The following FAM217A variants were observed in gnomAD, a reference collection of about 807,000 sequenced individuals.
The protein encoded by FAM217A is family with sequence similarity 217 member A.
A neutral mutation model predicts 18.5 loss-of-function variants in FAM217A; 13 were observed. That is an observed-to-expected ratio of 0.70 (90% CI 0.46 to 1.12). FAM217A has a LOEUF of 1.12. Ranked by LOEUF, FAM217A falls within the 50% of genes most tolerant of loss-of-function variation. The pLI, the probability that FAM217A is intolerant of heterozygous loss-of-function variation, is 0.00. For synonymous variants in FAM217A, 161 were observed against 202.8 expected (o/e 0.79, Z 1.75); for missense variants, 560 against 575.4 (o/e 0.97, Z 0.27).
Position 4,069,092 on chromosome 6 carries a change from A to C in FAM217A, c.1131T>G (p.Tyr377Ter). ...GAGACAGTGGTCTAGAATTCCATCT[A>C]TATTTGCCAGCATTGCTCCAATTCC... ...LKRNWSNAGK[Y>*]RWNSRPLSLK... Residue 377 changes from tyrosine (Y) to a stop codon, truncating the protein, a stop_gained, in exon 7 of 7, where the codon TAT becomes TAG. Coordinates refer to ENST00000274673, the MANE Select transcript of FAM217A (RefSeq NM_173563.3). LOFTEE classifies it low-confidence loss of function (END_TRUNC). The C allele has an allele frequency of 1.2e-6, 2 of 1,614,172 alleles. No individual in the cohort carries two copies. Among genetic ancestry groups the C allele is most frequent in the Non-Finnish European group, 8.5e-7 (1 of 1,180,028 alleles).
intron 6 of FAM217A, 44 bp downstream of exon 6, chr6:4,073,231 T>C (rs1238103264): frequency 1.4e-6 from 2 of 1,408,572 alleles, no homozygotes; most frequent in South Asian, 2.5e-5. Flanking sequence ...GTATCTAAAT[T>C]TATTTCAGTA....
At chr6:4,085,148 T>C (rs1396303623) in intron 1 of FAM217A, among the ~76,000 whole-genome samples, 1 of 152,164 alleles carries the variant, frequency 6.6e-6, no homozygotes, top group Admixed American at 6.6e-5. Context: ...GGCTGAGACC[T>C]GGTTGGCTCA....
Position 4,077,385 on chromosome 6 carries a change from G to GT in FAM217A, c.29dup (p.Asn10LysfsTer26). 1 of 1,614,198 alleles carries GT rather than the reference G, an allele frequency of 6.2e-7. No homozygotes were observed. The highest frequency in any genetic ancestry group is 1.6e-4 in the Middle Eastern group (1 of 6,062). ...GAGAGATGTTTGACACACGTAGGCT[G>GT]TTAGCACAGTTCTCATTTCTTCTCC... On this transcript the variant is annotated frameshift_variant, in exon 2 of 7. Transcript: ENST00000274673. LOFTEE classifies it high-confidence loss of function.
At chr6:4,084,132 T>C (rs904285463), upstream of FAM217A, among the ~76,000 whole-genome samples, 2 of 152,352 alleles carry the variant, frequency 1.3e-5, no homozygotes, top group Admixed American at 1.3e-4. Context: ...TATACTTTCT[T>C]GTGTTTGTAT....
At chr6:4,084,948 C>T (rs1328030286) in intron 1 of FAM217A, 11 of 605,730 alleles carry the variant, frequency 1.8e-5, no homozygotes, top group Non-Finnish European at 2.6e-5. Context: ...CTGGCACCTA[C>T]GTGGGCTGCT....
intron 6 of FAM217A, among the ~76,000 whole-genome samples, chr6:4,072,624 T>C (rs912626410): frequency 3.9e-5 from 6 of 151,980 alleles, no homozygotes; most frequent in Non-Finnish European, 7.4e-5. Context: ...TAGCTGGGCG[T>C]GGTGGCCCAT....
intron 2 of FAM217A, 86 bp from the exon 3 acceptor site, chr6:4,074,747 T>A: frequency 1.0e-6 from 1 of 987,154 alleles, no homozygotes; most frequent in Non-Finnish European, 1.6e-6. Context: ...GGGTAAAGTA[T>A]GACGAAAGGC....
At chr6:4,075,121 G>T (rs1051475423) in intron 2 of FAM217A, among the ~76,000 whole-genome samples, 1 of 152,086 alleles carries the variant, frequency 6.6e-6, no homozygotes, top group African/African-American at 2.4e-5. Context: ...ATCACCTGAG[G>T]TCTGGAGTTT....
upstream of FAM217A, chr6:4,079,584 G>A (rs1277711924): frequency 3.1e-6 from 4 of 1,287,032 alleles, no homozygotes; most frequent in Admixed American, 4.6e-5. Flanking sequence ...AGCTCTCCGC[G>A]ACATGGCCAG....
upstream of FAM217A, chr6:4,079,618 G>A (rs566018517): frequency 6.5e-5 from 83 of 1,282,330 alleles, 1 homozygote; most frequent in East Asian, 4.4e-3. Flanking sequence ...CCCGGGGCCC[G>A]GCCCACCCGC....
At position 4,077,388 on chromosome 6, in the gene FAM217A, A is replaced by G. The variant is rs1220608216; in HGVS notation, c.27T>C (p.Ala9=). 2 of 1,614,090 alleles carry G rather than the reference A, an allele frequency of 1.2e-6. No homozygotes were observed. Among genetic ancestry groups the G allele is most frequent in the African/African-American group, 2.7e-5 (2 of 74,950 alleles). ...AGATGTTTGACACACGTAGGCTGTT[A>G]GCACAGTTCTCATTTCTTCTCCCCA... MGRRNENC[A]NSLRVSNISQ... is the part of the protein sequence containing the mutation. The change falls in exon 2 of 7, where the codon GCT becomes GCC. Residue 9 remains alanine (A), a synonymous_variant. Coordinates refer to ENST00000274673, the MANE Select transcript of FAM217A (RefSeq NM_173563.3).
At chr6:4,074,319 G>A (rs1220986373) in intron 4 of FAM217A, 124 bp downstream of exon 4, 1 of 704,356 alleles carries the variant, frequency 1.4e-6, no homozygotes, top group African/African-American at 1.8e-5. Context: ...TTTGACTTGT[G>A]TGAAGAACTC....
At chr6:4,080,229 T>C (rs1204974464), upstream of FAM217A, among the ~76,000 whole-genome samples, 1 of 152,178 alleles carries the variant, frequency 6.6e-6, no homozygotes, top group Non-Finnish European at 1.5e-5. Flanking sequence ...TGCATTTCCA[T>C]TTTCTCCTCA....
chr6:4,078,412 T>G (rs1166846559), intron 1 of FAM217A, among the ~76,000 whole-genome samples: 1 of 152,190 alleles, frequency 6.6e-6, no homozygotes. Context: ...TTACAATTGA[T>G]TGTCTCCTAC....
At chr6:4,079,205 A>C, upstream of FAM217A, 1 of 284,172 alleles carries the variant, frequency 3.5e-6, no homozygotes, top group Non-Finnish European at 6.5e-6. Flanking sequence ...CACAAGGTCC[A>C]CGCGTATTCG....
At position 4,074,595 on chromosome 6, in the gene FAM217A, T is replaced by C. The variant is rs1335240696; in HGVS notation, c.127A>G (p.Arg43Gly). 6.2e-7 allele frequency: 1 copy of C among 1,613,452 alleles called. No individual in the cohort carries two copies. The highest frequency in any genetic ancestry group is 2.2e-5 in the East Asian group (1 of 44,850). The change falls in exon 3 of 7, where the codon AGG becomes GGG. Residue 43 changes from arginine to glycine, a missense_variant. Arg to Gly is a moderately radical substitution (Grantham distance 125). Coordinates refer to ENST00000274673, the MANE Select transcript of FAM217A (RefSeq NM_173563.3). Reference sequence around the variant, plus strand: ...TTCTTACCACCTGCTGCTCCATCCCTTCCAGCTGGGAGGTTTTTATTTTCA... The same window carrying C: ...TTCTTACCACCTGCTGCTCCATCCCCTCCAGCTGGGAGGTTTTTATTTTCA... ...VSENKNLPAG[R>G]DGAAGGKINK...
rs1203539765 is a variant in FAM217A at position 4,084,844 on chromosome 6, A to G, written c.19-34T>C. On this transcript the variant is annotated intron_variant, in intron 1 of 8. Transcript: ENST00000639338. ...CAGAAAAAGGAATTGCATTTACCTA[A>G]AAGTCATGAATAAAAGATCAGCCTA... is the stretch of plus-strand genomic sequence containing the variant. 5 of 699,672 alleles carry G rather than the reference A, an allele frequency of 7.1e-6. No individual in the cohort carries two copies. In the Admixed American group the frequency reaches 1.0e-4, roughly 14 times the overall value. 43.3% of individuals were successfully genotyped at this position (699,672 alleles called of 1,614,324 possible).
chr6:4,079,611 G>GGGGCC, upstream of FAM217A: 1 of 1,285,644 alleles, frequency 7.8e-7, no homozygotes, highest in Non-Finnish European at 1.0e-6. Flanking sequence ...TCTGGGACCC[G>GGGGCC]GGGCCCGGCC....
At chr6:4,086,172 C>T (rs1054286199) in intron 1 of FAM217A, among the ~76,000 whole-genome samples, 4 of 151,646 alleles carry the variant, frequency 2.6e-5, no homozygotes, top group African/African-American at 4.8e-5. Flanking sequence ...GAAAGCTAGG[C>T]GAGGTGGCTC....
Sources: gnomAD v4.1 joint callset for allele counts (sites outside exome capture counted in the v4.1 genomes callset) on GRCh38, gnomAD v4.1.1 for gene constraint, MANE v1.5 for transcripts, NCBI Gene and HGNC (gene_info 2026-07-23, HGNC 2026-07-21) for gene names.